Variants in USP30 observed in about 807,000 individuals in gnomAD.
USP30 encodes ubiquitin specific peptidase 30, also known as ubiquitin carboxyl-terminal hydrolase 30.
A neutral mutation model predicts 68.2 loss-of-function variants in USP30; 41 were observed. The observed-to-expected ratio is 0.60, with a 90% confidence interval of 0.47 to 0.78. The LOEUF is 0.78. USP30 is among the 30% of genes least tolerant of loss of function. The pLI is 0.00. For synonymous variants in USP30, 229 were observed against 253.7 expected (o/e 0.90, Z 0.93); for missense variants, 522 against 649.4 (o/e 0.80, Z 2.13).
At chr12:109,045,435 G>C (rs1218821749) in intron 3 of USP30, among the ~76,000 whole-genome samples, 2 of 150,528 alleles carry the variant, frequency 1.3e-5, no homozygotes, top group African/African-American at 5.0e-5. Context: ...GTGGGGTGCA[G>C]ATCACAGTGG....
chr12:109,026,989 C>A (rs1007778500), intron 2 of USP30, among the ~76,000 whole-genome samples: 2 of 152,168 alleles, frequency 1.3e-5, no homozygotes, highest in African/African-American at 2.4e-5. Context: ...ACCTGCATGA[C>A]CTTCTGTAAC....
At chr12:109,062,241 T>C (rs961655746) in intron 3 of USP30, among the ~76,000 whole-genome samples, 13 of 151,962 alleles carry the variant, frequency 8.6e-5, no homozygotes, top group African/African-American at 3.1e-4. Context: ...GGCCTGTATA[T>C]TGTTTTGTTC....
chr12:109,043,423 C>T (rs935319042), intron 3 of USP30, among the ~76,000 whole-genome samples: 8 of 152,164 alleles, frequency 5.3e-5, no homozygotes, highest in African/African-American at 1.9e-4. Context: ...AATACAAACT[C>T]TCTGGTATAT....
In USP30 at chr12:109,023,628, C is replaced by CTTTTTT. The variant is rs1179349331; in HGVS notation, c.-498+479_-498+484dup. ...TTCTACTCATGTGCCTTAATCAGGA[C>CTTTTTT]TTTTTTTTTTTTTTTTTTTTTTTGA... On this transcript the variant is annotated intron_variant, in intron 1 of 15. Transcript: ENST00000392784. 6.1e-4 allele frequency among the ~76,000 whole-genome samples: 44 copies of CTTTTTT among 72,708 alleles called. 8 individuals are homozygous for CTTTTTT. The highest frequency in any genetic ancestry group is 3.3e-3 in the South Asian group (5 of 1,516). The allele number at this position is 72,708 out of a possible 152,430, so 47.7% of individuals were successfully genotyped here.
At chr12:109,075,057 G>A (rs2041555108) in intron 7 of USP30, among the ~76,000 whole-genome samples, 2 of 152,230 alleles carry the variant, frequency 1.3e-5, no homozygotes, top group South Asian at 4.2e-4. Flanking sequence ...CCTTTTTGAT[G>A]GCTGAATAAT....
intron 2 of USP30, 124 bp downstream of exon 2, chr12:109,056,915 T>TAGA: frequency 1.7e-6 from 1 of 582,142 alleles, no homozygotes; most frequent in Non-Finnish European, 2.8e-6. Context: ...AATTAGGATT[T>TAGA]CAGGTTTTCA....
rs1298811530 is a variant in USP30, at chr12:109,055,400, A to ATAT, written c.84-1281_84-1280insATT. Reference sequence around the variant, plus strand: ...TATACATATATATATATATATATATATTTTTTTTTTTTTTTTTTTTGAGGC... The same window carrying ATAT: ...TATACATATATATATATATATATATATATTTTTTTTTTTTTTTTTTTTTGAGGC... On this transcript the variant is annotated intron_variant, in intron 1 of 12. Coordinates refer to ENST00000257548, the MANE Select transcript of USP30 (RefSeq NM_032663.5). Among the ~76,000 whole-genome samples the ATAT allele has an allele frequency of 9.0e-4, 22 of 24,474 alleles. 1 individual carries two copies. The highest frequency in any genetic ancestry group is 2.2e-3 in the Admixed American group (3 of 1,336). 16.1% of individuals were successfully genotyped at this position (24,474 alleles called of 152,430 possible). A position where few individuals can be genotyped will look rare whatever the true frequency, so the allele number is the denominator to read the frequency against.
rs2135692030 is a variant in USP30, at chr12:109,052,628, C to CGGCGGT, written c.-46_-45insTGGCGG. On this transcript the variant is annotated 5_prime_UTR_variant, in exon 1 of 13. Transcript: ENST00000257548. ...ACCGTCGTATCCCTCGGTCCGGCGG[C>CGGCGGT]GGCGGCGGCGGTAGCGGAGGAGACG... The CGGCGGT allele has an allele frequency of 1.4e-6, 2 of 1,445,394 alleles. No homozygotes were observed. Among genetic ancestry groups the CGGCGGT allele is most frequent in the African/African-American group, 1.5e-5 (1 of 67,070 alleles). 89.5% of individuals were successfully genotyped at this position (1,445,394 alleles called of 1,614,324 possible). A position where few individuals can be genotyped will look rare whatever the true frequency, so the allele number is the denominator to read the frequency against.
rs138385201 is a variant in USP30 at position 109,071,676 on chromosome 12, G to A, written c.545G>A (p.Arg182Gln). The change falls in exon 5 of 13, where the codon CGG becomes CAG. Residue 182 changes from arginine to glutamine, a missense_variant. Transcript: ENST00000257548. ...SLEDERDRQP[R>Q]VTHLFDVHSL... Reference sequence around the variant, plus strand: ...GAAGATGAGCGAGACCGCCAGCCTCGGGTCACACATTTGTTTGATGTGCAT... The same window carrying A: ...GAAGATGAGCGAGACCGCCAGCCTCAGGTCACACATTTGTTTGATGTGCAT... The A allele has an allele frequency of 2.2e-4, 362 of 1,614,082 alleles. No individual in the cohort carries two copies. In the African/African-American group the frequency reaches 2.8e-3, roughly 12 times the overall value.
intron 3 of USP30, among the ~76,000 whole-genome samples, chr12:109,042,615 T>G (rs1243152683): frequency 6.6e-6 from 1 of 152,174 alleles, no homozygotes; most frequent in African/African-American, 2.4e-5. Flanking sequence ...TCCAATCCCT[T>G]ATTATTAAAA....
chr12:109,065,791 G>T (rs79179032), intron 3 of USP30, among the ~76,000 whole-genome samples: 206 of 152,308 alleles, frequency 1.4e-3, no homozygotes, highest in African/African-American at 4.7e-3. Context: ...GTGGCCATGC[G>T]CCAGAGAAGA....
chr12:109,026,242 A>G (rs1005610196), intron 2 of USP30, among the ~76,000 whole-genome samples: 1 of 150,342 alleles, frequency 6.7e-6, no homozygotes, highest in Non-Finnish European at 1.5e-5. Flanking sequence ...CACCTTGCTA[A>G]TTTTTGTATT....
In USP30 at chr12:109,084,961, C is replaced by T; in HGVS notation, c.1177C>T (p.Gln393Ter). 1.9e-6 allele frequency: 3 copies of T among 1,592,680 alleles called. No homozygotes were observed. Among genetic ancestry groups the T allele is most frequent in the Non-Finnish European group, 2.6e-6 (3 of 1,167,990 alleles). Residue 393 changes from glutamine (Q) to a stop codon, truncating the protein, a stop_gained, in exon 12 of 13, where the codon CAG becomes TAG. Coordinates refer to ENST00000257548, the MANE Select transcript of USP30 (RefSeq NM_032663.5). LOFTEE classifies it high-confidence loss of function. The part of the protein sequence containing the change: ...GPGAPTPVLN[Q>*]PGAPKTQIFM... ...GCCTTTTTCTCTTGCAGTTCTGAAT[C>T]AGCCAGGGGCCCCCAAAACACAGAT... is the stretch of plus-strand genomic sequence containing the variant.
intron 3 of USP30, among the ~76,000 whole-genome samples, chr12:109,060,337 A>G (rs914352833): frequency 1.3e-5 from 2 of 152,238 alleles, no homozygotes; most frequent in African/African-American, 4.8e-5. Context: ...ACTTTTAACA[A>G]TAAGCATATA....
intron 3 of USP30, among the ~76,000 whole-genome samples, chr12:109,062,075 C>T (rs2041086070): frequency 6.6e-6 from 1 of 152,052 alleles, no homozygotes; most frequent in Non-Finnish European, 1.5e-5. Flanking sequence ...GCTGGGACTA[C>T]AGGTGCGTGC....
At chr12:109,039,583 C>T (rs2135670513) in intron 3 of USP30, among the ~76,000 whole-genome samples, 1 of 152,064 alleles carries the variant, frequency 6.6e-6, no homozygotes, top group South Asian at 2.1e-4. Flanking sequence ...ATGTGGGGTG[C>T]TGTAACTATT....
At chr12:109,080,080 C>T (rs2135814136) in intron 7 of USP30, among the ~76,000 whole-genome samples, 1 of 152,312 alleles carries the variant, frequency 6.6e-6, no homozygotes, top group South Asian at 2.1e-4. Flanking sequence ...TAGCTTCCAG[C>T]TGCTACTTTT....
intron 3 of USP30, among the ~76,000 whole-genome samples, chr12:109,059,125 C>A (rs1300035395): frequency 6.6e-6 from 1 of 152,154 alleles, no homozygotes; most frequent in African/African-American, 2.4e-5. Context: ...TGAATGGTAG[C>A]CCCCAACTTG....
chr12:109,032,014 A>C lies in USP30; in HGVS notation c.-136+4458A>C, dbSNP rs370016965. On this transcript the variant is annotated intron_variant, in intron 3 of 15. Transcript: ENST00000392784. ...CTACTTGGGAGACTAAGGTAGGAGG[A>C]TCACTTGAGCCTAGGCAGTCAAAGC... Among the ~76,000 whole-genome samples, 41 of 151,286 alleles carry C rather than the reference A, an allele frequency of 2.7e-4. No homozygotes were observed. The South Asian group carries it at 8.2e-3, about 30-fold the overall frequency.
Sources: gnomAD v4.1 joint callset for allele counts (sites outside exome capture counted in the v4.1 genomes callset) on GRCh38, gnomAD v4.1.1 for gene constraint, MANE v1.5 for transcripts, NCBI Gene and HGNC (gene_info 2026-07-23, HGNC 2026-07-21) for gene names.